Variants in MGAT3 observed in about 807,000 individuals in gnomAD.
MGAT3 encodes the protein beta-1,4-mannosyl-glycoprotein 4-beta-N-acetylglucosaminyltransferase.
MGAT3 carries 9 observed loss-of-function variants against 29.8 expected under a neutral mutation model. The observed-to-expected ratio is 0.30, with a 90% CI of 0.18 to 0.53. The LOEUF (loss-of-function observed/expected upper bound fraction) is 0.53, where lower values mean the gene tolerates loss of function less well. Among genes scored for constraint, MGAT3 ranks in the 20% least tolerant of loss-of-function variants. The probability of loss-of-function intolerance (pLI) is 0.96; values close to 1 mark genes in which losing one functional copy is unlikely to be tolerated. For missense variants in MGAT3, 557 were observed against 769.5 expected, an observed-to-expected ratio of 0.72 and a Z score of 3.27; for synonymous variants, 397 against 348.9, an observed-to-expected ratio of 1.14 and a Z score of -1.54.
At position 39,457,253 on chromosome 22, in the gene MGAT3, C is replaced by G. The variant is rs1349529091; in HGVS notation, c.-306C>G. 2.6e-4 allele frequency: 37 copies of G among 144,890 alleles called. No individual in the cohort carries two copies. In the South Asian group the frequency reaches 7.2e-3, roughly 28 times the overall value. The allele number at this position is 144,890 out of a possible 1,614,324, so 9.0% of individuals were successfully genotyped here. A position where few individuals can be genotyped will look rare whatever the true frequency, so the allele number is the denominator to read the frequency against. On this transcript the variant is annotated 5_prime_UTR_variant, in exon 1 of 2. Transcript: ENST00000341184. This position sits in a 1 kb window ranked among gnomAD's most constrained non-coding sequence, Gnocchi z 6.8. ...GCCTCGCCTCCGCGCCCCCCGCGCG[C>G]CCGCCGCGGTCCCTCCCCCGCGCCC...
chr22:39,464,630 G>A (rs1344752774), intron 1 of MGAT3, among the ~76,000 whole-genome samples: 2 of 151,940 alleles, frequency 1.3e-5, no homozygotes, highest in Non-Finnish European at 2.9e-5. Flanking sequence ...TAGTAGAGAC[G>A]GGGTTTCATC....
intron 1 of MGAT3, among the ~76,000 whole-genome samples, chr22:39,460,712 C>T (rs1383618076): frequency 1.3e-5 from 2 of 152,114 alleles, no homozygotes; most frequent in Admixed American, 6.5e-5. Flanking sequence ...GCGAGAGAAT[C>T]GCTTGAACCT....
At chr22:39,482,007 A>G (rs1398427311) in intron 1 of MGAT3, among the ~76,000 whole-genome samples, 2 of 152,200 alleles carry the variant, frequency 1.3e-5, no homozygotes, top group Non-Finnish European at 2.9e-5. Context: ...GCTGGAGTGC[A>G]GAATTGCGAT....
chr22:39,474,103 T>C (rs1332309868), intron 1 of MGAT3, among the ~76,000 whole-genome samples: 1 of 152,144 alleles, frequency 6.6e-6, no homozygotes, highest in Non-Finnish European at 1.5e-5. Context: ...TGGGAAGGGC[T>C]GCCCTGGGTA....
chr22:39,488,881 G>C lies in MGAT3; in HGVS notation c.1534G>C (p.Gly512Arg). 6.3e-7 allele frequency: 1 copy of C among 1,598,898 alleles called. No individual in the cohort carries two copies. Among genetic ancestry groups the C allele is most frequent in the South Asian group, 1.1e-5 (1 of 89,242 alleles). The change falls in exon 2 of 2, where the codon GGG becomes CGG. Residue 512 changes from glycine (G) to arginine (R), a missense_variant. Physicochemically the swap from Gly to Arg is moderately radical, Grantham distance 125. Transcript: ENST00000341184. ...YQEPRSTAAGGWRHRGPEGRP... is the reference protein window; with the variant it reads ...YQEPRSTAAGRWRHRGPEGRP... ...GGAGCCCAGGAGCACGGCGGCGGGCGGGTGGCGCCACAGGGGTCCCGAGGG... is the reference window on the plus strand; with the variant it reads ...GGAGCCCAGGAGCACGGCGGCGGGCCGGTGGCGCCACAGGGGTCCCGAGGG...
intron 1 of MGAT3, among the ~76,000 whole-genome samples, chr22:39,479,052 A>G (rs1929048652): frequency 6.6e-6 from 1 of 152,234 alleles, no homozygotes; most frequent in Non-Finnish European, 1.5e-5. Flanking sequence ...CTATCCCAAC[A>G]GACCCAGGAC....
At chr22:39,480,526 AC>A (rs957262476) in intron 1 of MGAT3, among the ~76,000 whole-genome samples, 4 of 152,106 alleles carry the variant, frequency 2.6e-5, no homozygotes, top group African/African-American at 7.2e-5. Flanking sequence ...CCACAGGGGG[AC>A]CACAGACAAA....
rs541009128 is a variant in MGAT3, at chr22:39,490,260, A to C, written c.*1311A>C. The C allele has an allele frequency of 3.6e-5, 6 of 167,124 alleles. No individual in the cohort carries two copies. Among genetic ancestry groups the C allele is most frequent in the Non-Finnish European group, 8.8e-5 (6 of 68,140 alleles). 10.4% of individuals were successfully genotyped at this position (167,124 alleles called of 1,614,324 possible). A position where few individuals can be genotyped will look rare whatever the true frequency, so the allele number is the denominator to read the frequency against. ...CCTGGGGGAAGCAGAAATAGACAAG[A>C]GGGCACACCCACTTTTTGCTAAAGG... On this transcript the variant is annotated 3_prime_UTR_variant, in exon 2 of 2. Coordinates refer to ENST00000341184, the MANE Select transcript of MGAT3 (RefSeq NM_002409.5).
intron 1 of MGAT3, among the ~76,000 whole-genome samples, chr22:39,483,703 G>T (rs951288298): frequency 6.6e-6 from 1 of 152,124 alleles, no homozygotes; most frequent in African/African-American, 2.4e-5. Flanking sequence ...GTCTCACTTT[G>T]CCAGACAAGG....
At chr22:39,458,515 TC>T (rs1360772240) in intron 1 of MGAT3, among the ~76,000 whole-genome samples, 4 of 151,784 alleles carry the variant, frequency 2.6e-5, no homozygotes, top group African/African-American at 9.7e-5. Flanking sequence ...TTATGAAAGA[TC>T]CAGACATGGA....
At position 39,489,066 on chromosome 22, in the gene MGAT3, T is replaced by TGGGGGGGG; in HGVS notation, c.*122_*123insGGGGGGGG. 3.0e-6 allele frequency: 1 copy of TGGGGGGGG among 332,618 alleles called. No homozygotes were observed. The allele number at this position is 332,618 out of a possible 1,614,324, so 20.6% of individuals were successfully genotyped here. A position where few individuals can be genotyped will look rare whatever the true frequency, so the allele number is the denominator to read the frequency against. On this transcript the variant is annotated 3_prime_UTR_variant, in exon 2 of 2. Coordinates refer to ENST00000341184, the MANE Select transcript of MGAT3 (RefSeq NM_002409.5). ...GAGGGGACCAGGAGTGGGTGGGGAGTGGGGGTGGGGGTAGGGTTTCCCTAC... is the reference window on the plus strand; with the variant it reads ...GAGGGGACCAGGAGTGGGTGGGGAGTGGGGGGGGGGGGGTGGGGGTAGGGTTTCCCTAC...
chr22:39,477,898 G>A (rs1020337726), intron 1 of MGAT3, among the ~76,000 whole-genome samples: 21 of 152,220 alleles, frequency 1.4e-4, no homozygotes, highest in African/African-American at 4.8e-4. Flanking sequence ...AGACAGAAAC[G>A]GTTATACCTC....
Position 39,488,223 on chromosome 22 carries a change from G to A in MGAT3, c.876G>A (p.Leu292=). ...RQDGWIADDY[L]RTFLTQDGVS... ...ACGGCTGGATCGCCGACGACTACCT[G>A]CGCACCTTCCTCACCCAGGACGGCG... The change falls in exon 2 of 2, where the codon CTG becomes CTA. Residue 292 remains leucine, a synonymous_variant. Coordinates refer to ENST00000341184, the MANE Select transcript of MGAT3 (RefSeq NM_002409.5). 1 of 1,612,554 alleles carries A rather than the reference G, an allele frequency of 6.2e-7. No individual in the cohort carries two copies. The highest frequency in any genetic ancestry group is 2.2e-5 in the East Asian group (1 of 44,870).
intron 1 of MGAT3, among the ~76,000 whole-genome samples, chr22:39,482,820 G>A (rs1262168307): frequency 6.6e-6 from 1 of 152,164 alleles, no homozygotes; most frequent in Non-Finnish European, 1.5e-5. Flanking sequence ...CCAGATCCTT[G>A]ATTCTCAGCA....
intron 1 of MGAT3, among the ~76,000 whole-genome samples, chr22:39,459,908 GC>G (rs1332144260): frequency 6.6e-6 from 1 of 152,244 alleles, no homozygotes; most frequent in Non-Finnish European, 1.5e-5. Flanking sequence ...GGCGGGCCAG[GC>G]CAGCTTCACT....
intron 1 of MGAT3, among the ~76,000 whole-genome samples, chr22:39,473,047 G>GT (rs1268066008): frequency 6.6e-6 from 1 of 152,152 alleles, no homozygotes; most frequent in African/African-American, 2.4e-5. Context: ...CTGAACTTCG[G>GT]TTTTCTCCTC....
In MGAT3 at chr22:39,489,314, G is replaced by C. The variant is rs1297809585; in HGVS notation, c.*365G>C. ...GATCTCACCAGGCAGCCTCTGGGGG[G>C]TGGCCAGGCCGGGAAAAAGCCCACC... On this transcript the variant is annotated 3_prime_UTR_variant, in exon 2 of 2. Coordinates refer to ENST00000341184, the MANE Select transcript of MGAT3 (RefSeq NM_002409.5). 3.4e-6 allele frequency: 1 copy of C among 290,744 alleles called. No homozygotes were observed. Among genetic ancestry groups the C allele is most frequent in the African/African-American group, 2.2e-5 (1 of 45,500 alleles). 18.0% of individuals were successfully genotyped at this position (290,744 alleles called of 1,614,324 possible). A position where few individuals can be genotyped will look rare whatever the true frequency, so the allele number is the denominator to read the frequency against.
In MGAT3 at chr22:39,457,161, A is replaced by AGGGGGCGGGGT. The variant is rs1295840053; in HGVS notation, c.-391_-381dup. ...GGCGGGGGAGGGGAGGGGGTTGCGG[A>AGGGGGCGGGGT]GGGGGCGGGGTGGGGGCCGGAGCCG... On this transcript the variant is annotated 5_prime_UTR_variant, in exon 1 of 2. Transcript: ENST00000341184. The surrounding 1 kb of genome is among the most constrained non-coding windows in gnomAD (Gnocchi z 6.8). Among the ~76,000 whole-genome samples, 1 of 58,648 alleles carries AGGGGGCGGGGT rather than the reference A, an allele frequency of 1.7e-5. No homozygotes were observed. The highest frequency in any genetic ancestry group is 3.9e-5 in the Non-Finnish European group (1 of 25,742). The allele number at this position is 58,648 out of a possible 152,430, so 38.5% of individuals were successfully genotyped here.
In MGAT3 at chr22:39,489,069, G is replaced by A; in HGVS notation, c.*120G>A. ...GGGACCAGGAGTGGGTGGGGAGTGG[G>A]GGTGGGGGTAGGGTTTCCCTACTGA... On this transcript the variant is annotated 3_prime_UTR_variant, in exon 2 of 2. Transcript: ENST00000341184. 1 of 1,149,768 alleles carries A rather than the reference G, an allele frequency of 8.7e-7. No homozygotes were observed. The allele number at this position is 1,149,768 out of a possible 1,614,324, so 71.2% of individuals were successfully genotyped here.
Sources: allele counts gnomAD v4.1 joint callset (sites outside exome capture counted in the v4.1 genomes callset), GRCh38; gene constraint gnomAD v4.1.1; non-coding constraint Gnocchi (gnomAD v3.1); transcripts MANE v1.5; gene names NCBI Gene and HGNC (gene_info 2026-07-23, HGNC 2026-07-21).